Variants in CAST observed in about 807,000 individuals in gnomAD.
CAST encodes calpastatin.
A neutral mutation model predicts 119.6 loss-of-function variants in CAST; 76 were observed. The observed-to-expected ratio is 0.64, with a 90% CI of 0.53 to 0.77. The LOEUF (loss-of-function observed/expected upper bound fraction) is 0.77, where lower values mean the gene tolerates loss of function less well. Ranked by LOEUF, CAST falls within the 30% of genes least tolerant of loss-of-function variation. The pLI is 0.00. For missense variants in CAST, 953 were observed against 946.5 expected (o/e 1.01, Z -0.09); for synonymous variants, 319 against 331.6 (o/e 0.96, Z 0.41).
chr5:96,206,994 G>T, the CAST span, among the ~76,000 whole-genome samples: 3 of 152,012 alleles, frequency 2.0e-5, no homozygotes, highest in Admixed American at 6.6e-5. Flanking sequence ...GCAGTGTTTT[G>T]TAGTTCTTGT....
At chr5:96,186,923 G>C in the CAST span, among the ~76,000 whole-genome samples, 1 of 152,070 alleles carries the variant, frequency 6.6e-6, no homozygotes, top group Non-Finnish European at 1.5e-5. Context: ...CAGTAGAAAT[G>C]GTACTAGCTC....
At chr5:96,722,245 G>T (rs1314862520) in intron 3 of CAST, among the ~76,000 whole-genome samples, 4 of 152,062 alleles carry the variant, frequency 2.6e-5, no homozygotes, top group African/African-American at 4.8e-5. Context: ...TTGTTGAGTT[G>T]CAAAATCCAT....
At chr5:96,654,027 C>CTTTTTTTTT (rs71617134) in intron 1 of CAST, among the ~76,000 whole-genome samples, 2 of 126,958 alleles carry the variant, frequency 1.6e-5, no homozygotes, top group African/African-American at 3.0e-5. Flanking sequence ...CTTTTCTTTT[C>CTTTTTTTTT]TTTTTTTTTT....
chr5:96,574,944 A>G (rs1746642850), intron 1 of CAST, among the ~76,000 whole-genome samples: 1 of 152,132 alleles, frequency 6.6e-6, no homozygotes, highest in African/African-American at 2.4e-5. Flanking sequence ...ATTGGTTTGT[A>G]TATTTAATTA....
At chr5:96,673,884 C>T (rs544850160) in intron 1 of CAST, among the ~76,000 whole-genome samples, 1 of 152,246 alleles carries the variant, frequency 6.6e-6, no homozygotes, top group African/African-American at 2.4e-5. Flanking sequence ...TAAAAGAAGA[C>T]CTGTAGAGGG....
the CAST span, among the ~76,000 whole-genome samples, chr5:96,240,767 G>T: frequency 7.8e-6 from 1 of 128,850 alleles, no homozygotes. Context: ...CTGATGCAGT[G>T]AGTTAACTCT....
the CAST span, among the ~76,000 whole-genome samples, chr5:96,252,385 G>A: frequency 7.9e-5 from 12 of 152,166 alleles, no homozygotes; most frequent in East Asian, 2.3e-3. Context: ...TTGGCACTGA[G>A]CTAAATTCTG....
At chr5:96,004,184 G>A in the CAST span, among the ~76,000 whole-genome samples, 1 of 152,238 alleles carries the variant, frequency 6.6e-6, no homozygotes, top group African/African-American at 2.4e-5. Context: ...TAGGATGAAA[G>A]AAGAAGTGCA....
At chr5:96,251,340 A>G in the CAST span, among the ~76,000 whole-genome samples, 1 of 152,192 alleles carries the variant, frequency 6.6e-6, no homozygotes, top group African/African-American at 2.4e-5. Flanking sequence ...TTAAACATGT[A>G]TTTAGTGCCA....
the CAST span, chr5:96,412,372 A>G: frequency 1.9e-6 from 3 of 1,614,134 alleles, no homozygotes; most frequent in Admixed American, 1.7e-5. Flanking sequence ...GCCCCTCCAC[A>G]GTTTTCCCAT....
At chr5:95,988,626 T>C in the CAST span, among the ~76,000 whole-genome samples, 9 of 152,310 alleles carry the variant, frequency 5.9e-5, no homozygotes, top group Admixed American at 2.6e-4. Context: ...ATGGTCTGAG[T>C]GCAAACCATG....
intron 1 of CAST, among the ~76,000 whole-genome samples, chr5:96,590,622 G>A (rs1221399530): frequency 6.6e-6 from 1 of 152,216 alleles, no homozygotes; most frequent in Non-Finnish European, 1.5e-5. Flanking sequence ...GGAATAATTT[G>A]ATGGGACGAA....
the CAST span, among the ~76,000 whole-genome samples, chr5:96,205,797 T>C: frequency 6.6e-6 from 1 of 152,126 alleles, no homozygotes; most frequent in Non-Finnish European, 1.5e-5. Context: ...TATGTCTTTA[T>C]AGTAGAATGA....
the CAST span, among the ~76,000 whole-genome samples, chr5:95,982,327 G>A: frequency 2.0e-5 from 3 of 152,028 alleles, no homozygotes; most frequent in Admixed American, 6.5e-5. Flanking sequence ...GTGTGTGTGT[G>A]TGTGTGTAGT....
the CAST span, among the ~76,000 whole-genome samples, chr5:96,056,558 C>T: frequency 6.6e-6 from 1 of 152,088 alleles, no homozygotes; most frequent in African/African-American, 2.4e-5. Flanking sequence ...ATGTGAGATT[C>T]GAAACATCTG....
At chr5:96,630,255 G>A (rs1196755141) in intron 1 of CAST, among the ~76,000 whole-genome samples, 1 of 152,180 alleles carries the variant, frequency 6.6e-6, no homozygotes, top group Non-Finnish European at 1.5e-5. Context: ...GAAAAATGAA[G>A]GTGATAAGTG....
rs186620658 is a variant in CAST, at chr5:96,583,577, C to A, written c.60+53697C>A. 1.6e-4 allele frequency among the ~76,000 whole-genome samples: 25 copies of A among 152,178 alleles called. No homozygotes were observed. The South Asian group carries it at 3.7e-3, about 23-fold the overall frequency. On this transcript the variant is annotated intron_variant, in intron 1 of 11. Transcript: ENST00000505143. The stretch of plus-strand genomic sequence containing the variant: ...TGACACTATCAGGCTCTGGTAAGGA[C>A]CAATGGACTCAATATATGTAAAATG...
chr5:96,084,752 A>G, the CAST span, among the ~76,000 whole-genome samples: 6 of 152,192 alleles, frequency 3.9e-5, no homozygotes, highest in Non-Finnish European at 8.8e-5. Context: ...TTCATATTCC[A>G]GGGAGAGGAA....
the CAST span, among the ~76,000 whole-genome samples, chr5:96,173,304 A>G: frequency 6.6e-6 from 1 of 152,226 alleles, no homozygotes; most frequent in African/African-American, 2.4e-5. Flanking sequence ...ATGCCATCAT[A>G]TTATTTGCAG....
Sources: gnomAD v4.1 joint callset for allele counts (sites outside exome capture counted in the v4.1 genomes callset) on GRCh38, gnomAD v4.1.1 for gene constraint, MANE v1.5 for transcripts, NCBI Gene and HGNC (gene_info 2026-07-23, HGNC 2026-07-21) for gene names.